DENND1B: variants seen among roughly 807,000 people sequenced by gnomAD.
DENND1B encodes the protein DENN domain-containing protein 1B.
DENND1B carries 59 observed loss-of-function variants against 90.1 expected under a neutral mutation model. The observed-to-expected ratio is 0.65, with a 90% CI of 0.53 to 0.81. DENND1B has a LOEUF of 0.81. Ranked by LOEUF, DENND1B falls within the 40% of genes least tolerant of loss-of-function variation. DENND1B has a pLI of 0.00. For missense variants in DENND1B, 862 were observed against 912.6 expected (o/e 0.94, Z 0.71); for synonymous variants, 337 against 324.6 (o/e 1.04, Z -0.41).
At chr1:197,671,390 T>C (rs934631827) in intron 5 of DENND1B, among the ~76,000 whole-genome samples, 2 of 152,130 alleles carry the variant, frequency 1.3e-5, no homozygotes, top group Admixed American at 6.5e-5. Context: ...AGGCAGATAA[T>C]GTAAGCAATT....
chr1:197,666,673 C>T (rs186950935), intron 5 of DENND1B, among the ~76,000 whole-genome samples: 12 of 152,298 alleles, frequency 7.9e-5, no homozygotes, highest in Non-Finnish European at 1.6e-4. Flanking sequence ...ATAAATAACT[C>T]AGAAAATGAG....
intron 2 of DENND1B, among the ~76,000 whole-genome samples, chr1:197,740,534 C>A (rs1663119922): frequency 6.6e-6 from 1 of 152,122 alleles, no homozygotes; most frequent in African/African-American, 2.4e-5. Flanking sequence ...ATCGAATATG[C>A]TACACAATAT....
At chr1:197,772,958 T>C in intron 1 of DENND1B, 26 bp from the exon 2 acceptor site, 1 of 1,530,120 alleles carries the variant, frequency 6.5e-7, no homozygotes, top group Non-Finnish European at 8.9e-7. Flanking sequence ...TTAAATTAAT[T>C]TCCTATGACA....
At chr1:197,534,422 G>A (rs1372246424) in intron 20 of DENND1B, among the ~76,000 whole-genome samples, 1 of 152,140 alleles carries the variant, frequency 6.6e-6, no homozygotes. Context: ...TCTCTGCTAG[G>A]TACCTCCACC....
At chr1:197,666,572 T>C (rs1433005162) in intron 5 of DENND1B, among the ~76,000 whole-genome samples, 1 of 152,206 alleles carries the variant, frequency 6.6e-6, no homozygotes, top group African/African-American at 2.4e-5. Flanking sequence ...AACTTCTCAA[T>C]AAATTTTGGC....
chr1:197,756,054 G>GTA (rs1280385487), intron 2 of DENND1B, among the ~76,000 whole-genome samples: 1 of 152,176 alleles, frequency 6.6e-6, no homozygotes, highest in Non-Finnish European at 1.5e-5. Context: ...TATACACAAT[G>GTA]TATAGTAAAA....
intron 10 of DENND1B, among the ~76,000 whole-genome samples, chr1:197,635,705 T>C (rs1286248451): frequency 6.6e-6 from 1 of 152,106 alleles, no homozygotes; most frequent in Non-Finnish European, 1.5e-5. Flanking sequence ...TATTTAAAAT[T>C]TGAGAAGGGT....
At chr1:197,728,509 C>T (rs529379555) in intron 2 of DENND1B, among the ~76,000 whole-genome samples, 1 of 152,260 alleles carries the variant, frequency 6.6e-6, no homozygotes, top group East Asian at 1.9e-4. Context: ...CTCACTCTAC[C>T]TATGGAACCC....
chr1:197,678,249 G>A (rs1024588989), intron 3 of DENND1B, among the ~76,000 whole-genome samples: 2 of 152,088 alleles, frequency 1.3e-5, no homozygotes, highest in Non-Finnish European at 2.9e-5. Context: ...TATTTCTTAA[G>A]AATCCTCATA....
chr1:197,661,541 G>T (rs544782973), intron 5 of DENND1B, among the ~76,000 whole-genome samples: 44 of 152,096 alleles, frequency 2.9e-4, no homozygotes, highest in African/African-American at 8.2e-4. Context: ...AACTCTCAAG[G>T]AGCTTTAGAT....
At chr1:197,648,758 C>T (rs767599717) in intron 7 of DENND1B, among the ~76,000 whole-genome samples, 2 of 152,124 alleles carry the variant, frequency 1.3e-5, no homozygotes, top group Admixed American at 6.5e-5. Context: ...TCCTTAACTG[C>T]TCTTTCCCCC....
At chr1:197,540,105 A>G in intron 19 of DENND1B, 34 bp from the exon 20 acceptor site, 1 of 1,455,262 alleles carries the variant, frequency 6.9e-7, no homozygotes, top group Non-Finnish European at 9.5e-7. Context: ...CAATAATTGT[A>G]AAGTACTCCT....
chr1:197,622,112 T>C (rs1678225310), intron 10 of DENND1B, among the ~76,000 whole-genome samples: 1 of 151,324 alleles, frequency 6.6e-6, no homozygotes, highest in South Asian at 2.1e-4. Context: ...GTTAACTCAG[T>C]CATAGAACAA....
At chr1:197,741,521 C>T (rs1179806129) in intron 2 of DENND1B, among the ~76,000 whole-genome samples, 1 of 152,128 alleles carries the variant, frequency 6.6e-6, no homozygotes, top group Non-Finnish European at 1.5e-5. Context: ...CATTTCTGCA[C>T]AATCGTTTGA....
chr1:197,544,934 A>AG (rs1571817746), intron 18 of DENND1B, among the ~76,000 whole-genome samples: 5 of 334 alleles, frequency 0.015, no homozygotes, highest in Non-Finnish European at 0.031. Context: ...AAAGAGAAGA[A>AG]GAAGAAGGGA....
chr1:197,693,945 T>G (rs1406917185), intron 3 of DENND1B, among the ~76,000 whole-genome samples: 1 of 151,504 alleles, frequency 6.6e-6, no homozygotes, highest in Admixed American at 6.6e-5. Flanking sequence ...TTGATCAAGT[T>G]CAATATTTTC....
At chr1:197,632,494 C>T (rs1679414469) in intron 10 of DENND1B, among the ~76,000 whole-genome samples, 1 of 152,066 alleles carries the variant, frequency 6.6e-6, no homozygotes, top group East Asian at 1.9e-4. Context: ...CTAATATCTC[C>T]CATGTTAGAA....
intron 15 of DENND1B, among the ~76,000 whole-genome samples, chr1:197,579,003 C>T (rs972029156): frequency 6.6e-6 from 1 of 152,242 alleles, no homozygotes; most frequent in African/African-American, 2.4e-5. Context: ...AAAGGCTTTC[C>T]GAGTGATTCA....
At chr1:197,635,088 T>C (rs530935374) in intron 10 of DENND1B, among the ~76,000 whole-genome samples, 18 of 152,286 alleles carry the variant, frequency 1.2e-4, no homozygotes, top group Non-Finnish European at 2.5e-4. Context: ...CTTCAAGGTT[T>C]ACAAAGAAAC....
Sources: gnomAD v4.1 joint callset for allele counts (sites outside exome capture counted in the v4.1 genomes callset) on GRCh38, gnomAD v4.1.1 for gene constraint, MANE v1.5 for transcripts, NCBI Gene and HGNC (gene_info 2026-07-23, HGNC 2026-07-21) for gene names.